Variants in AKAP6 observed in about 807,000 individuals in gnomAD.
AKAP6 encodes the protein A-kinase anchor protein 6.
A neutral mutation model predicts 188.5 loss-of-function variants in AKAP6; 58 were observed. The ratio of observed to expected loss-of-function variants is 0.31; its 90% CI spans 0.25 to 0.38. The LOEUF is 0.38. AKAP6 is among the 10% of genes least tolerant of loss of function. AKAP6 has a pLI of 1.00. For missense variants in AKAP6, 2,710 were observed against 2,740.0 expected (o/e 0.99, Z 0.24); for synonymous variants, 989 against 998.6 (o/e 0.99, Z 0.18).
At chr14:32,737,287 G>A (rs1170704783) in intron 11 of AKAP6, among the ~76,000 whole-genome samples, 1 of 152,090 alleles carries the variant, frequency 6.6e-6, no homozygotes, top group African/African-American at 2.4e-5. Flanking sequence ...ATTCATGACT[G>A]TTGGAATAAA....
intron 7 of AKAP6, among the ~76,000 whole-genome samples, chr14:32,620,036 C>A (rs537688731): frequency 6.6e-6 from 1 of 152,146 alleles, no homozygotes; most frequent in South Asian, 2.1e-4. Flanking sequence ...GATTTTGTAA[C>A]CTGAGACTTT....
intron 4 of AKAP6, among the ~76,000 whole-genome samples, chr14:32,573,176 C>G (rs940455991): frequency 1.3e-5 from 2 of 152,152 alleles, no homozygotes; most frequent in Non-Finnish European, 2.9e-5. Flanking sequence ...AGGAAAGACA[C>G]TGAACAGATA....
intron 7 of AKAP6, among the ~76,000 whole-genome samples, chr14:32,668,753 G>A (rs902405401): frequency 5.3e-5 from 8 of 151,976 alleles, no homozygotes; most frequent in African/African-American, 1.9e-4. Context: ...TCAGTTTTAT[G>A]ATTAGTTTTG....
chr14:32,523,182 T>TG (rs1472190159), intron 2 of AKAP6, among the ~76,000 whole-genome samples: 3 of 49,012 alleles, frequency 6.1e-5, no homozygotes, highest in African/African-American at 1.4e-4. Flanking sequence ...TGTCTTGGGG[T>TG]GGGGGAAGGG....
At chr14:32,734,312 T>C (rs1052597619) in intron 10 of AKAP6, 14 of 152,134 alleles carry the variant, frequency 9.2e-5, no homozygotes, top group African/African-American at 3.4e-4. Flanking sequence ...TCATCTAAGG[T>C]GAACAGTGTG....
chr14:32,756,466 G>T (rs750556597), intron 11 of AKAP6, among the ~76,000 whole-genome samples: 4 of 152,108 alleles, frequency 2.6e-5, no homozygotes, highest in Non-Finnish European at 4.4e-5. Flanking sequence ...AGTATATTAG[G>T]GCACACTGGA....
In AKAP6 at chr14:32,404,104, T is replaced by C. The variant is rs185340567; in HGVS notation, c.-34-29356T>C. ...ATGTACTTTTTTATCCCATGAAATA[T>C]TTTTTTTGAAAAATATTAACAAAAA... On this transcript the variant is annotated intron_variant, in intron 1 of 13. Transcript: ENST00000280979. 5.9e-5 allele frequency among the ~76,000 whole-genome samples: 9 copies of C among 152,040 alleles called. No individual in the cohort carries two copies. In the East Asian group the frequency reaches 1.7e-3, roughly 29 times the overall value.
intron 11 of AKAP6, among the ~76,000 whole-genome samples, chr14:32,746,359 T>C (rs2031910561): frequency 6.6e-6 from 1 of 152,124 alleles, no homozygotes; most frequent in South Asian, 2.1e-4. Flanking sequence ...TTTTTCAGGG[T>C]TCAAAGGGTC....
chr14:32,825,130 A>G lies in AKAP6; in HGVS notation c.*42+315A>G, dbSNP rs144411370. Among the ~76,000 whole-genome samples, 4 of 152,330 alleles carry G rather than the reference A, an allele frequency of 2.6e-5. No individual in the cohort carries two copies. The East Asian group carries it at 7.7e-4, about 29-fold the overall frequency. ...TGAGGGAGAATAAAAAGCTTATCCAAATCGCAATTATACTCCATGATCAAA... is the reference window on the plus strand; with the variant it reads ...TGAGGGAGAATAAAAAGCTTATCCAGATCGCAATTATACTCCATGATCAAA... On this transcript the variant is annotated intron_variant, in intron 13 of 13. Transcript: ENST00000280979.
chr14:32,443,255 G>A lies in AKAP6; in HGVS notation c.324+9438G>A, dbSNP rs545215864. Among the ~76,000 whole-genome samples, 25 of 152,112 alleles carry A rather than the reference G, an allele frequency of 1.6e-4. No individual in the cohort carries two copies. The South Asian group carries it at 4.8e-3, about 29-fold the overall frequency. ...CTAAAAATACAAAAATTTGCTGGGC[G>A]TGGTGGTGGGCGCCTATAATCCCAG... On this transcript the variant is annotated intron_variant, in intron 2 of 13. Coordinates refer to ENST00000280979, the MANE Select transcript of AKAP6 (RefSeq NM_004274.5).
intron 11 of AKAP6, among the ~76,000 whole-genome samples, chr14:32,750,737 G>GTTTTTTTTTTTT (rs71293226): frequency 5.1e-5 from 7 of 138,358 alleles, no homozygotes; most frequent in Non-Finnish European, 9.1e-5. Flanking sequence ...AATTAATTTT[G>GTTTTTTTTTTTT]TTTTTTTTTT....
intron 4 of AKAP6, among the ~76,000 whole-genome samples, chr14:32,552,334 G>A (rs78426815): frequency 0.051 from 7,797 of 152,268 alleles, 247 homozygotes; most frequent in Middle Eastern, 0.058. Context: ...ATGGAGAAAA[G>A]CAGAGGGACT....
Position 32,546,374 on chromosome 14 carries a change from G to A in AKAP6, c.1721G>A (p.Ser574Asn), listed in dbSNP as rs1883199424. Residue 574 changes from serine to asparagine, a missense_variant, in exon 4 of 14, where the codon AGT becomes AAT. Ser to Asn is a conservative substitution (Grantham distance 46). Around this residue, in one of 2 missense-constraint regions of AKAP6, gnomAD observed 2,473 missense variants for 2,426.1 expected, o/e 1.02. Transcript: ENST00000280979. ...AKLQLQSETSSSPAFTQSSES... is the reference protein window; with the variant it reads ...AKLQLQSETSNSPAFTQSSES... Reference sequence around the variant, plus strand: ...TTGCAATTGCAGTCAGAAACATCCAGTTCACCAGCTTTTACTCAGAGCAGT... The same window carrying A: ...TTGCAATTGCAGTCAGAAACATCCAATTCACCAGCTTTTACTCAGAGCAGT... 6.2e-7 allele frequency: 1 copy of A among 1,614,152 alleles called. No individual in the cohort carries two copies. The highest frequency in any genetic ancestry group is 8.5e-7 in the Non-Finnish European group (1 of 1,180,030).
intron 11 of AKAP6, among the ~76,000 whole-genome samples, chr14:32,741,663 T>C (rs907105142): frequency 1.3e-5 from 2 of 152,036 alleles, no homozygotes; most frequent in African/African-American, 4.8e-5. Context: ...ATGGATCACA[T>C]TGATTGATTT....
rs749053344 is a variant in AKAP6 at position 32,821,599 on chromosome 14, C to T, written c.3786C>T (p.Asp1262=). The change falls in exon 13 of 14, where the codon GAC becomes GAT. Residue 1262 remains aspartate, a synonymous_variant. Transcript: ENST00000280979. ...GETSNEDPGY[D]EEADNHGGSQ... ...CAAGTAATGAGGACCCTGGTTATGA[C>T]GAGGAGGCTGATAACCATGGGGGAT... 25 of 1,613,358 alleles carry T rather than the reference C, an allele frequency of 1.5e-5. No individual in the cohort carries two copies. In the East Asian group the frequency reaches 3.1e-4, roughly 20 times the overall value.
rs1883181976 is a variant in AKAP6, at chr14:32,546,037, G to A, written c.1384G>A (p.Val462Met). 1 of 1,614,024 alleles carries A rather than the reference G, an allele frequency of 6.2e-7. No individual in the cohort carries two copies. The highest frequency in any genetic ancestry group is 8.5e-7 in the Non-Finnish European group (1 of 1,180,034). ...ASQSYECLHK[V>M]GNGNLENTVK... ...CCAGTCTTATGAGTGTTTACACAAG[G>A]TGGGGAATGGGAACCTTGAAAACAC... Residue 462 changes from valine (V) to methionine (M), a missense_variant, in exon 4 of 14, where the codon GTG (valine) becomes ATG (methionine). This residue lies in a region of AKAP6 where 2,473 missense variants were observed against 2,426.1 expected (regional missense o/e 1.02). Coordinates refer to ENST00000280979, the MANE Select transcript of AKAP6 (RefSeq NM_004274.5).
At chr14:32,342,806 C>T (rs1207470664) in intron 1 of AKAP6, among the ~76,000 whole-genome samples, 1 of 152,038 alleles carries the variant, frequency 6.6e-6, no homozygotes, top group Non-Finnish European at 1.5e-5. Context: ...TCTGTCTGAT[C>T]GGAGAATTCT....
At chr14:32,577,873 G>A (rs748254828) in intron 5 of AKAP6, among the ~76,000 whole-genome samples, 6 of 152,112 alleles carry the variant, frequency 3.9e-5, no homozygotes, top group Admixed American at 6.6e-5. Flanking sequence ...GATGAACCTC[G>A]TGGGGTTTTT....
At chr14:32,621,311 T>C (rs1294152804) in intron 7 of AKAP6, among the ~76,000 whole-genome samples, 1 of 152,104 alleles carries the variant, frequency 6.6e-6, no homozygotes, top group Non-Finnish European at 1.5e-5. Context: ...TGTAGGCATT[T>C]AGTGCTATGA....
Sources: allele counts gnomAD v4.1 joint callset (sites outside exome capture counted in the v4.1 genomes callset), GRCh38; gene constraint gnomAD v4.1.1; regional missense constraint gnomAD v4.1.1; transcripts MANE v1.5; gene names NCBI Gene and HGNC (gene_info 2026-07-23, HGNC 2026-07-21).